Variants in LSM14B observed in about 807,000 individuals in gnomAD.
The protein encoded by LSM14B is protein LSM14 homolog B.
Under a neutral mutation model 42.1 loss-of-function variants are expected in LSM14B, and 8 were observed. The ratio of observed to expected loss-of-function variants is 0.19; its 90% CI spans 0.11 to 0.34. The LOEUF (loss-of-function observed/expected upper bound fraction) is 0.34, where lower values mean the gene tolerates loss of function less well. Among genes scored for constraint, LSM14B ranks in the 10% least tolerant of loss-of-function variants. The probability of loss-of-function intolerance (pLI) is 1.00; values close to 1 mark genes in which losing one functional copy is unlikely to be tolerated. For missense variants in LSM14B, 396 were observed against 513.1 expected (o/e 0.77, Z 2.21); for synonymous variants, 219 against 209.7 (o/e 1.04, Z -0.38).
intron 3 of LSM14B, 25 bp downstream of exon 3, chr20:62,126,464 A>G (rs776758193): frequency 6.2e-7 from 1 of 1,602,620 alleles, no homozygotes; most frequent in Non-Finnish European, 8.5e-7. Flanking sequence ...TCTGTCTGGT[A>G]AACTACCCTT....
In LSM14B at chr20:62,134,706, G is replaced by T. The variant is rs2056858916; in HGVS notation, c.*558G>T. ...CGGAAGGGGTTTTCCCATGGATCAT[G>T]TTGTATAAGTGAACCAGACCACCCT... On this transcript the variant is annotated 3_prime_UTR_variant, in exon 9 of 9. Coordinates refer to ENST00000279068, the MANE Select transcript of LSM14B (RefSeq NM_144703.3). The T allele has an allele frequency of 4.7e-6, 1 of 210,846 alleles. No homozygotes were observed. Among genetic ancestry groups the T allele is most frequent in the Non-Finnish European group, 9.6e-6 (1 of 104,442 alleles). 13.1% of individuals were successfully genotyped at this position (210,846 alleles called of 1,614,324 possible).
rs757585979 is a variant in LSM14B, at chr20:62,134,276, C to T, written c.*128C>T. 2.3e-5 allele frequency: 11 copies of T among 471,752 alleles called. No homozygotes were observed. The highest frequency in any genetic ancestry group is 4.0e-5 in the African/African-American group (2 of 50,086). 29.2% of individuals were successfully genotyped at this position (471,752 alleles called of 1,614,324 possible). ...TTACGGAGTTTGGAAGAGACCCATA[C>T]TGCTACTTGTGTTTTGGACTTAACT... is the stretch of plus-strand genomic sequence containing the variant. On this transcript the variant is annotated 3_prime_UTR_variant, in exon 9 of 9. Coordinates refer to ENST00000279068, the MANE Select transcript of LSM14B (RefSeq NM_144703.3).
At chr20:62,126,149 A>G in intron 2 of LSM14B, 155 bp from the exon 3 acceptor site, 5 of 984,556 alleles carry the variant, frequency 5.1e-6, no homozygotes, top group Non-Finnish European at 7.8e-6. Flanking sequence ...AGCTCTCACC[A>G]TACTGGAAAC....
At chr20:62,128,589 G>T (rs2056672726) in intron 3 of LSM14B, among the ~76,000 whole-genome samples, 1 of 152,204 alleles carries the variant, frequency 6.6e-6, no homozygotes, top group African/African-American at 2.4e-5. Context: ...GTTTGAACTA[G>T]TTGGTTGTGT....
Position 62,122,753 on chromosome 20 carries a change from C to T in LSM14B, c.87C>T (p.Tyr29=). The T allele has an allele frequency of 6.6e-7, 1 of 1,518,798 alleles. No individual in the cohort carries two copies. Among genetic ancestry groups the T allele is most frequent in the South Asian group, 1.2e-5 (1 of 84,260 alleles). The allele number at this position is 1,518,798 out of a possible 1,614,324, so 94.1% of individuals were successfully genotyped here. A position where few individuals can be genotyped will look rare whatever the true frequency, so the allele number is the denominator to read the frequency against. ...AGATCCGCTACGAGGGCATTCTCTA[C>T]ACCATCGACACCGACAACTCCACCG... ...KAQIRYEGIL[Y]TIDTDNSTVA... Residue 29 remains tyrosine, a synonymous_variant, in exon 1 of 9, where the codon TAC becomes TAT. Transcript: ENST00000279068. The surrounding 1 kb of genome is among the most constrained non-coding windows in gnomAD (Gnocchi z 4.6).
In LSM14B at chr20:62,134,769, A is replaced by G. The variant is rs539806848; in HGVS notation, c.*621A>G. Reference sequence around the variant, plus strand: ...AGTGATGTCAAGGTTGGGGCTGGCCAGGGGTGGGTGGACTAGAAGCATTTG... The same window carrying G: ...AGTGATGTCAAGGTTGGGGCTGGCCGGGGGTGGGTGGACTAGAAGCATTTG... On this transcript the variant is annotated 3_prime_UTR_variant, in exon 9 of 9. Transcript: ENST00000279068. The G allele has an allele frequency of 3.6e-4, 57 of 160,332 alleles. No homozygotes were observed. Among genetic ancestry groups the G allele is most frequent in the Middle Eastern group, 6.1e-3 (2 of 328 alleles). 9.9% of individuals were successfully genotyped at this position (160,332 alleles called of 1,614,324 possible).
At chr20:62,127,613 C>T (rs756626365) in intron 3 of LSM14B, 5 of 1,551,054 alleles carry the variant, frequency 3.2e-6, no homozygotes, top group African/African-American at 2.7e-5. Context: ...CAGCCTCAGC[C>T]GCTGCTTCCA....
chr20:62,126,508 C>CT, intron 3 of LSM14B, 69 bp downstream of exon 3: 1 of 1,565,054 alleles, frequency 6.4e-7, no homozygotes, highest in Non-Finnish European at 8.6e-7. Context: ...GCGATGGAGC[C>CT]TGAGGGTGGG....
chr20:62,133,306 T>C lies in LSM14B; in HGVS notation c.1003T>C (p.Trp335Arg), dbSNP rs2056819995. The change falls in exon 8 of 9, where the codon TGG (tryptophan) becomes CGG (arginine). Residue 335 changes from tryptophan (W) to arginine (R), a missense_variant. By Grantham distance (101) the Trp-to-Arg change is moderately radical. Transcript: ENST00000279068. Reference protein sequence around the residue: ...ELKTSSRRTTWAEERKLNTET... With the variant: ...ELKTSSRRTTRAEERKLNTET... ...GTGGTTTAGCTCCAGGCGGACGACG[T>C]GGGCCGAAGAGAGGAAGCTCAACAC... The C allele has an allele frequency of 1.6e-5, 26 of 1,613,320 alleles. No homozygotes were observed. The highest frequency in any genetic ancestry group is 2.2e-5 in the Non-Finnish European group (26 of 1,179,574).
intron 7 of LSM14B, among the ~76,000 whole-genome samples, chr20:62,132,664 CG>C (rs2056799529): frequency 6.6e-6 from 1 of 152,180 alleles, no homozygotes; most frequent in African/African-American, 2.4e-5. Flanking sequence ...TCTTTGAACA[CG>C]GAAGTCTGTG....
intron 1 of LSM14B, chr20:62,123,115 C>T (rs2056457911): frequency 6.4e-6 from 1 of 156,910 alleles, no homozygotes; most frequent in Non-Finnish European, 1.4e-5. Flanking sequence ...GCCGCCCCCT[C>T]GGCCGCCCAG....
In LSM14B at chr20:62,134,974, A is replaced by G. The variant is rs1003622686; in HGVS notation, c.*826A>G. The G allele has an allele frequency of 1.3e-5, 2 of 152,196 alleles. No individual in the cohort carries two copies. The highest frequency in any genetic ancestry group is 2.9e-5 in the Non-Finnish European group (2 of 68,054). 9.4% of individuals were successfully genotyped at this position (152,196 alleles called of 1,614,324 possible). ...AGTCATTGCTGGACTCTGGCCACAC[A>G]CTGGCGTTCTCATCCACTTGGAAAC... On this transcript the variant is annotated 3_prime_UTR_variant, in exon 9 of 9. Transcript: ENST00000279068.
chr20:62,130,000 G>A, intron 4 of LSM14B, 48 bp downstream of exon 4: 1 of 1,550,910 alleles, frequency 6.4e-7, no homozygotes, highest in Non-Finnish European at 8.7e-7. Context: ...TTCTAAAAGT[G>A]GCACACTACT....
chr20:62,133,181 T>C (rs2056816005), intron 7 of LSM14B, 109 bp from the exon 8 acceptor site: 2 of 1,348,300 alleles, frequency 1.5e-6, no homozygotes, highest in Middle Eastern at 2.0e-4. Flanking sequence ...TTCCCTGTAG[T>C]GGCCCTGGTG....
rs568919768 is a variant in LSM14B at position 62,129,385 on chromosome 20, A to G, written c.428-400A>G. On this transcript the variant is annotated intron_variant, in intron 3 of 8. Transcript: ENST00000279068. The stretch of plus-strand genomic sequence containing the variant: ...AATGAAACAAATTCTCAGATCCTGA[A>G]TTCATCAGGATCTTGGGGCTGCTGA... Among the ~76,000 whole-genome samples, 112 of 152,308 alleles carry G rather than the reference A, an allele frequency of 7.4e-4. 1 individual carries two copies. The highest frequency in any genetic ancestry group is 1.3e-3 in the Non-Finnish European group (88 of 68,032).
rs1460681923 is a variant in LSM14B at position 62,135,315 on chromosome 20, G to A, written c.*1167G>A. On this transcript the variant is annotated 3_prime_UTR_variant, in exon 9 of 9. Transcript: ENST00000279068. ...GGCTAAGAATTAGAACATAGCAAGG[G>A]GGCTCCTCTGTTGGAGTAATGTAAA... 6.6e-6 allele frequency: 1 copy of A among 152,138 alleles called. No individual in the cohort carries two copies. Among genetic ancestry groups the A allele is most frequent in the Non-Finnish European group, 1.5e-5 (1 of 68,036 alleles). 9.4% of individuals were successfully genotyped at this position (152,138 alleles called of 1,614,324 possible).
chr20:62,125,043 G>A (rs964482471), intron 2 of LSM14B, among the ~76,000 whole-genome samples: 14 of 152,164 alleles, frequency 9.2e-5, no homozygotes, highest in Non-Finnish European at 1.9e-4. Context: ...ACCATGCCCA[G>A]CTAATTTTTG....
chr20:62,126,607 T>G (rs1236040745), intron 3 of LSM14B, among the ~76,000 whole-genome samples, 168 bp downstream of exon 3: 1 of 152,244 alleles, frequency 6.6e-6, no homozygotes, highest in African/African-American at 2.4e-5. Context: ...GTGAGAGCAT[T>G]TAGTAACTAC....
Position 62,130,510 on chromosome 20 carries a change from G to T in LSM14B, c.674-20G>T. The T allele has an allele frequency of 6.2e-7, 1 of 1,612,316 alleles. No homozygotes were observed. Among genetic ancestry groups the T allele is most frequent in the South Asian group, 1.1e-5 (1 of 90,890 alleles). On this transcript the variant is annotated intron_variant, in intron 5 of 8. Transcript: ENST00000279068. This position sits in a 1 kb window ranked among gnomAD's most constrained non-coding sequence, Gnocchi z 4.1. ...GGGTTGGTGACCTACTTCAGCCAGG[G>T]CTGTCCTTTGTCCTCACAGGAAACA...
Sources: allele counts gnomAD v4.1 joint callset (sites outside exome capture counted in the v4.1 genomes callset), GRCh38; gene constraint gnomAD v4.1.1; non-coding constraint Gnocchi (gnomAD v3.1); transcripts MANE v1.5; gene names NCBI Gene and HGNC (gene_info 2026-07-23, HGNC 2026-07-21).